ROBO2: variants seen among roughly 807,000 people sequenced by gnomAD.
The protein encoded by ROBO2 is roundabout homolog 2.
Under a neutral mutation model 160.8 loss-of-function variants are expected in ROBO2, and 53 were observed. The ratio of observed to expected loss-of-function variants is 0.33; its 90% CI spans 0.26 to 0.41. The LOEUF (loss-of-function observed/expected upper bound fraction) is 0.41, where lower values mean the gene tolerates loss of function less well. Ranked by LOEUF, ROBO2 falls within the 10% of genes least tolerant of loss-of-function variation. The pLI is 1.00. For synonymous variants in ROBO2, 664 were observed against 611.7 expected, an observed-to-expected ratio of 1.09 and a Z score of -1.26; for missense variants, 1,577 against 1,722.4, an observed-to-expected ratio of 0.92 and a Z score of 1.49.
At chr3:76,636,085 A>G (rs1048927883) in intron 2 of ROBO2, among the ~76,000 whole-genome samples, 1 of 152,212 alleles carries the variant, frequency 6.6e-6, no homozygotes, top group African/African-American at 2.4e-5. Flanking sequence ...TAGTCACATG[A>G]TACTATTTCA....
intron 2 of ROBO2, among the ~76,000 whole-genome samples, chr3:76,012,513 T>C (rs1559830906): frequency 6.6e-6 from 1 of 152,212 alleles, no homozygotes; most frequent in African/African-American, 2.4e-5. Context: ...TAAGCATGTA[T>C]TGATGACCTA....
intron 2 of ROBO2, among the ~76,000 whole-genome samples, chr3:76,923,025 C>T (rs1206096296): frequency 6.6e-6 from 1 of 152,172 alleles, no homozygotes; most frequent in African/African-American, 2.4e-5. Flanking sequence ...TCCTGAAGAA[C>T]ACAGCAAGAG....
chr3:77,595,006 AATG>A, intron 17 of ROBO2, 133 bp from the exon 19 acceptor site: 2 of 686,732 alleles, frequency 2.9e-6, no homozygotes, highest in Non-Finnish European at 5.1e-6. Context: ...CTCTCTGTAC[AATG>A]ATGTTAATTA....
At chr3:76,381,680 A>G (rs996503737) in intron 2 of ROBO2, among the ~76,000 whole-genome samples, 2 of 152,198 alleles carry the variant, frequency 1.3e-5, no homozygotes, top group Non-Finnish European at 2.9e-5. Context: ...GTAGACTATC[A>G]TTGCATGCTT....
intron 2 of ROBO2, among the ~76,000 whole-genome samples, chr3:77,356,773 T>A (rs997082259): frequency 1.3e-5 from 2 of 152,168 alleles, no homozygotes; most frequent in African/African-American, 4.8e-5. Flanking sequence ...GTTTCTATAA[T>A]TTTTGACTAT....
chr3:77,379,879 C>T (rs1178722573), intron 2 of ROBO2, among the ~76,000 whole-genome samples: 5 of 152,136 alleles, frequency 3.3e-5, no homozygotes, highest in African/African-American at 1.2e-4. Context: ...CTAGTTCCCC[C>T]GAGAGAGTCT....
intron 2 of ROBO2, among the ~76,000 whole-genome samples, chr3:76,859,848 T>G (rs971417008): frequency 6.6e-6 from 1 of 152,196 alleles, no homozygotes; most frequent in Non-Finnish European, 1.5e-5. Flanking sequence ...GCTGTCTTGC[T>G]GTTTAAAATT....
At chr3:77,223,408 G>A (rs1297563293) in intron 2 of ROBO2, among the ~76,000 whole-genome samples, 2 of 152,024 alleles carry the variant, frequency 1.3e-5, no homozygotes, top group Non-Finnish European at 2.9e-5. Context: ...AACTAAAACA[G>A]GCGCAATAAA....
intron 2 of ROBO2, among the ~76,000 whole-genome samples, chr3:77,100,653 A>C (rs2071787046): frequency 6.6e-6 from 1 of 152,150 alleles, no homozygotes; most frequent in Non-Finnish European, 1.5e-5. Flanking sequence ...AGAGGTGTTA[A>C]GGAATAGCAA....
chr3:76,941,502 A>G (rs1245273756), intron 2 of ROBO2, among the ~76,000 whole-genome samples: 1 of 152,098 alleles, frequency 6.6e-6, no homozygotes, highest in Non-Finnish European at 1.5e-5. Context: ...CTACCTCTCA[A>G]GGCTTCAGCT....
intron 2 of ROBO2, among the ~76,000 whole-genome samples, chr3:77,441,124 T>C (rs2079877848): frequency 6.6e-6 from 1 of 152,118 alleles, no homozygotes. Context: ...ACCTTTCCTC[T>C]TTCACTGGGG....
At chr3:76,384,833 C>T (rs1335644794) in intron 2 of ROBO2, among the ~76,000 whole-genome samples, 1 of 152,192 alleles carries the variant, frequency 6.6e-6, no homozygotes, top group Non-Finnish European at 1.5e-5. Flanking sequence ...CTGATTCCTC[C>T]CACGACACGT....
At chr3:76,213,859 C>A (rs534647498) in intron 2 of ROBO2, among the ~76,000 whole-genome samples, 3 of 152,062 alleles carry the variant, frequency 2.0e-5, no homozygotes, top group Non-Finnish European at 2.9e-5. Flanking sequence ...CCCTATGCCA[C>A]CTGAATTTAT....
chr3:76,757,406 T>C (rs1321344975), intron 2 of ROBO2, among the ~76,000 whole-genome samples: 4 of 151,952 alleles, frequency 2.6e-5, no homozygotes, highest in East Asian at 3.9e-4. Context: ...AGATCTTTCA[T>C]TGTGCTATGC....
intron 2 of ROBO2, among the ~76,000 whole-genome samples, chr3:77,417,901 A>G (rs1189732713): frequency 6.6e-6 from 1 of 152,032 alleles, no homozygotes; most frequent in Non-Finnish European, 1.5e-5. Flanking sequence ...CCTTTAAGGT[A>G]TTTAAAATTT....
At chr3:76,609,333 G>C (rs1255328826) in intron 2 of ROBO2, among the ~76,000 whole-genome samples, 1 of 152,074 alleles carries the variant, frequency 6.6e-6, no homozygotes, top group East Asian at 1.9e-4. Context: ...GACAGGTTTG[G>C]CTATTCTTGG....
rs182920770 is a variant in ROBO2, at chr3:77,051,834, G to A, written c.61+10988G>A. The stretch of plus-strand genomic sequence containing the variant: ...ATAAGGGGAGGGGACGAAAGAGTGT[G>A]TTGGAAAAGTGAAAAACTGAACATT... On this transcript the variant is annotated intron_variant, in intron 1 of 25. Coordinates refer to ENST00000461745, the Ensembl canonical transcript of ROBO2. Among the ~76,000 whole-genome samples, 414 of 152,318 alleles carry A rather than the reference G, an allele frequency of 2.7e-3. 1 individual carries two copies. The highest frequency in any genetic ancestry group is 9.4e-3 in the African/African-American group (392 of 41,574).
At chr3:76,430,375 A>G (rs1396550510) in intron 2 of ROBO2, among the ~76,000 whole-genome samples, 3 of 152,170 alleles carry the variant, frequency 2.0e-5, no homozygotes, top group Non-Finnish European at 1.5e-5. Flanking sequence ...AGTGATCACA[A>G]CTACGTAAAA....
At chr3:76,274,509 A>T (rs1272325582) in intron 2 of ROBO2, among the ~76,000 whole-genome samples, 1 of 152,120 alleles carries the variant, frequency 6.6e-6, no homozygotes. Flanking sequence ...ACAGATTGTT[A>T]TTCAATCTGT....
Sources: gnomAD v4.1 joint callset for allele counts (sites outside exome capture counted in the v4.1 genomes callset) on GRCh38, gnomAD v4.1.1 for gene constraint, MANE v1.5 for transcripts, NCBI Gene and HGNC (gene_info 2026-07-23, HGNC 2026-07-21) for gene names.